IQUB: variants seen among roughly 807,000 people sequenced by gnomAD.
The protein encoded by IQUB is IQ motif and ubiquitin-like domain-containing protein.
IQUB carries 86 observed loss-of-function variants against 86.4 expected under a neutral mutation model. The observed-to-expected ratio is 1.00, with a 90% confidence interval of 0.84 to 1.19. The LOEUF is 1.19. Ranked by LOEUF, IQUB falls within the 50% of genes most tolerant of loss-of-function variation. The pLI is 0.00. For synonymous variants in IQUB, 289 were observed against 304.5 expected (o/e 0.95, Z 0.53); for missense variants, 946 against 916.9 (o/e 1.03, Z -0.41).
chr7:123,518,508 T>C (rs151336463), intron 1 of IQUB, among the ~76,000 whole-genome samples: 369 of 152,250 alleles, frequency 2.4e-3, no homozygotes, highest in African/African-American at 8.7e-3. Flanking sequence ...TCTGACCTCA[T>C]CTTCTAAACA....
Position 123,502,939 on chromosome 7 carries a change from A to G in IQUB, c.867+5T>C, listed in dbSNP as rs1242096877. 6.2e-7 allele frequency: 1 copy of G among 1,602,098 alleles called. No individual in the cohort carries two copies. The highest frequency in any genetic ancestry group is 8.5e-7 in the Non-Finnish European group (1 of 1,175,148). On this transcript the variant is annotated splice_donor_5th_base_variant and intron_variant, in intron 5 of 12. Coordinates refer to ENST00000324698, the MANE Select transcript of IQUB (RefSeq NM_178827.5). ...AAAACCTAAAGAGACAAATAAAAAC[A>G]TTACCTGCGTATCCCTACAAAATAT...
intron 7 of IQUB, among the ~76,000 whole-genome samples, chr7:123,480,368 C>T (rs1265728163): frequency 1.3e-5 from 2 of 152,098 alleles, no homozygotes; most frequent in Non-Finnish European, 2.9e-5. Context: ...TTCAGATCTG[C>T]TGCCTTGTTG....
chr7:123,519,241 C>T (rs1485205960), intron 1 of IQUB, among the ~76,000 whole-genome samples: 1 of 152,084 alleles, frequency 6.6e-6, no homozygotes, highest in Non-Finnish European at 1.5e-5. Context: ...TTGTAGAAAA[C>T]AGCAGGAAGT....
chr7:123,534,392 GC>G (rs1220659345), intron 1 of IQUB, 99 bp downstream of exon 1: 1 of 152,540 alleles, frequency 6.6e-6, no homozygotes, highest in Non-Finnish European at 1.5e-5. Context: ...GGGAATCACT[GC>G]CCAGCACACA....
At chr7:123,495,324 T>C (rs1446652840) in intron 7 of IQUB, among the ~76,000 whole-genome samples, 1 of 152,058 alleles carries the variant, frequency 6.6e-6, no homozygotes, top group African/African-American at 2.4e-5. Context: ...TTTATTAATA[T>C]TGTTTATTAG....
At chr7:123,533,213 T>C (rs372638397) in intron 1 of IQUB, among the ~76,000 whole-genome samples, 1 of 152,336 alleles carries the variant, frequency 6.6e-6, no homozygotes, top group African/African-American at 2.4e-5. Context: ...CTATTAAAAA[T>C]AGTGCTGCAA....
At chr7:123,529,640 G>A (rs1450572954) in intron 1 of IQUB, among the ~76,000 whole-genome samples, 5 of 143,392 alleles carry the variant, frequency 3.5e-5, no homozygotes, top group African/African-American at 5.2e-5. Context: ...TAATCCCAGC[G>A]CTTTGGGAGT....
chr7:123,483,621 A>C (rs1795098426), intron 7 of IQUB, among the ~76,000 whole-genome samples: 1 of 152,090 alleles, frequency 6.6e-6, no homozygotes, highest in African/African-American at 2.4e-5. Flanking sequence ...TCTTAGAGGA[A>C]CTAATATGTT....
intron 1 of IQUB, chr7:123,533,064 CCCCAGTCCTGCCGCCGCCGAT>C (rs1440593830): frequency 6.6e-6 from 1 of 152,174 alleles, no homozygotes; most frequent in Non-Finnish European, 1.5e-5. Flanking sequence ...CCTCTGACTC[CCCCAGTCCTGCCGCCGCCGAT>C]AGCCCCACAA....
At chr7:123,529,124 GA>G (rs1349258492) in intron 1 of IQUB, among the ~76,000 whole-genome samples, 10 of 151,984 alleles carry the variant, frequency 6.6e-5, no homozygotes, top group African/African-American at 2.4e-4. Context: ...AAAACTAACA[GA>G]ATAGAAGGGG....
intron 8 of IQUB, 132 bp downstream of exon 8, chr7:123,479,663 A>T (rs1404249882): frequency 2.8e-5 from 19 of 672,396 alleles, no homozygotes; most frequent in Non-Finnish European, 4.1e-5. Flanking sequence ...ATCAAATTTT[A>T]AGAAATATGT....
intron 11 of IQUB, among the ~76,000 whole-genome samples, chr7:123,458,401 A>G (rs1793818371): frequency 6.6e-6 from 1 of 151,944 alleles, no homozygotes; most frequent in African/African-American, 2.4e-5. Flanking sequence ...AACCTAAACA[A>G]TCTGCCAAAG....
rs533866528 is a variant in IQUB, at chr7:123,521,681, C to CACACACACACAG, written c.-4-9338_-4-9337insCTGTGTGTGTGT. Among the ~76,000 whole-genome samples the CACACACACACAG allele has an allele frequency of 8.6e-3, 1,306 of 151,066 alleles. 15 individuals are homozygous for CACACACACACAG. The highest frequency in any genetic ancestry group is 0.03 in the African/African-American group (1,218 of 40,932). On this transcript the variant is annotated intron_variant, in intron 1 of 12. Coordinates refer to ENST00000324698, the MANE Select transcript of IQUB (RefSeq NM_178827.5). ...ACACACACACACACACACACACACA[C>CACACACACACAG]AGAGATCACAGTTCTCTGTAACCTG...
At chr7:123,510,193 G>C (rs1468286397) in intron 2 of IQUB, among the ~76,000 whole-genome samples, 158 bp from the exon 3 acceptor site, 2 of 152,044 alleles carry the variant, frequency 1.3e-5, no homozygotes, top group African/African-American at 4.8e-5. Flanking sequence ...AATGATAACA[G>C]TTACTTTTAA....
chr7:123,515,127 AAC>A (rs1467190584), intron 1 of IQUB, among the ~76,000 whole-genome samples: 2 of 152,124 alleles, frequency 1.3e-5, no homozygotes, highest in East Asian at 1.9e-4. Flanking sequence ...AAAAACAAAA[AAC>A]ACACACACAA....
chr7:123,530,742 T>A (rs1412969258), intron 1 of IQUB, among the ~76,000 whole-genome samples: 1 of 146,238 alleles, frequency 6.8e-6, no homozygotes, highest in African/African-American at 2.6e-5. Flanking sequence ...AGTGGCGCGA[T>A]CTTGGCTTAC....
intron 1 of IQUB, among the ~76,000 whole-genome samples, chr7:123,528,479 AC>A (rs1425452798): frequency 1.3e-5 from 2 of 152,198 alleles, no homozygotes; most frequent in African/African-American, 4.8e-5. Context: ...ATTTTCAAGA[AC>A]CCAGAGCTAG....
intron 2 of IQUB, among the ~76,000 whole-genome samples, chr7:123,510,542 G>A (rs1388555901): frequency 6.6e-6 from 1 of 151,954 alleles, no homozygotes; most frequent in Admixed American, 6.6e-5. Context: ...ATATAGGAGG[G>A]AAATACAGTA....
At chr7:123,479,586 T>C (rs548395673) in intron 8 of IQUB, among the ~76,000 whole-genome samples, 30 of 152,260 alleles carry the variant, frequency 2.0e-4, no homozygotes, top group African/African-American at 7.0e-4. Context: ...TGTATGGATT[T>C]CATATTACCT....
Sources: gnomAD v4.1 joint callset for allele counts (sites outside exome capture counted in the v4.1 genomes callset) on GRCh38, gnomAD v4.1.1 for gene constraint, MANE v1.5 for transcripts, NCBI Gene and HGNC (gene_info 2026-07-23, HGNC 2026-07-21) for gene names.